The following MORC1 variants were observed in gnomAD, a reference collection of about 807,000 sequenced individuals.
MORC1 encodes MORC family CW-type zinc finger protein 1.
In MORC1, 59 loss-of-function variants were observed where a neutral mutation model predicts 134.9. The ratio of observed to expected loss-of-function variants is 0.44; its 90% confidence interval spans 0.35 to 0.54. The LOEUF (loss-of-function observed/expected upper bound fraction) is 0.54, where lower values mean the gene tolerates loss of function less well. Ranked by LOEUF, MORC1 falls within the 20% of genes least tolerant of loss-of-function variation. The pLI is 0.00. For missense variants in MORC1, 947 were observed against 1,134.5 expected (o/e 0.83, Z 2.37); for synonymous variants, 395 against 391.7 (o/e 1.01, Z -0.10).
intron 27 of MORC1, among the ~76,000 whole-genome samples, chr3:108,961,530 A>G (rs1185013078): frequency 2.6e-5 from 4 of 152,068 alleles, no homozygotes; most frequent in African/African-American, 9.7e-5. Flanking sequence ...CCCCATCTCT[A>G]TCTGCTCTGG....
intron 17 of MORC1, 110 bp from the exon 18 acceptor site, chr3:109,007,201 A>T: frequency 1.3e-6 from 1 of 741,614 alleles, no homozygotes; most frequent in South Asian, 2.0e-5. Context: ...CAAGATAGCA[A>T]ACCCTCATGA....
chr3:109,045,001 T>A (rs547937538), intron 14 of MORC1, among the ~76,000 whole-genome samples: 1 of 151,714 alleles, frequency 6.6e-6, no homozygotes, highest in Non-Finnish European at 1.5e-5. Context: ...CAGTTTTGTA[T>A]CTGTTCATAG....
At chr3:109,048,527 T>G (rs933150815) in intron 14 of MORC1, among the ~76,000 whole-genome samples, 1 of 152,182 alleles carries the variant, frequency 6.6e-6, no homozygotes, top group African/African-American at 2.4e-5. Flanking sequence ...AATTCTAATT[T>G]TGAAATCTCC....
chr3:109,022,706 T>C (rs1212676366), intron 17 of MORC1, among the ~76,000 whole-genome samples: 1 of 152,158 alleles, frequency 6.6e-6, no homozygotes, highest in African/African-American at 2.4e-5. Context: ...CTATGTAGAG[T>C]CAACCAATCC....
chr3:109,056,947 G>C (rs1459085688), intron 13 of MORC1, among the ~76,000 whole-genome samples: 1 of 152,124 alleles, frequency 6.6e-6, no homozygotes, highest in Non-Finnish European at 1.5e-5. Flanking sequence ...AAGCTAACTG[G>C]CATGAACTCA....
chr3:109,061,793 G>A (rs1321235303), intron 11 of MORC1, among the ~76,000 whole-genome samples, 195 bp downstream of exon 11: 4 of 151,962 alleles, frequency 2.6e-5, no homozygotes, highest in Non-Finnish European at 2.9e-5. Context: ...CCTCAGCCTT[G>A]CCCCGACTTG....
intron 17 of MORC1, among the ~76,000 whole-genome samples, chr3:109,017,726 A>C (rs1327607194): frequency 3.3e-5 from 5 of 152,230 alleles, no homozygotes; most frequent in Non-Finnish European, 1.5e-5. Flanking sequence ...TTACTTAATG[A>C]GTAGCTGTTT....
At chr3:109,110,298 A>C (rs1433185787) in intron 3 of MORC1, 1 of 157,578 alleles carries the variant, frequency 6.3e-6, no homozygotes, top group Admixed American at 6.5e-5. Context: ...TAGTGAGTGC[A>C]ATAAATACTT....
chr3:108,978,640 C>T (rs1947628224), intron 24 of MORC1, among the ~76,000 whole-genome samples: 1 of 152,302 alleles, frequency 6.6e-6, no homozygotes, highest in Admixed American at 6.5e-5. Context: ...TCCCTATGTA[C>T]GTGTTCTCCT....
intron 8 of MORC1, among the ~76,000 whole-genome samples, chr3:109,072,635 C>A (rs539268586): frequency 6.6e-6 from 1 of 152,138 alleles, no homozygotes; most frequent in Non-Finnish European, 1.5e-5. Flanking sequence ...TCTTCAATGG[C>A]AATGCTACCA....
chr3:108,994,322 G>A (rs1235208542), intron 21 of MORC1, among the ~76,000 whole-genome samples: 1 of 151,866 alleles, frequency 6.6e-6, no homozygotes, highest in South Asian at 2.1e-4. Flanking sequence ...ACATCCCTCT[G>A]TCAGTCTGCT....
chr3:108,976,155 T>C (rs887997141), intron 24 of MORC1, among the ~76,000 whole-genome samples: 2 of 152,168 alleles, frequency 1.3e-5, no homozygotes, highest in African/African-American at 4.8e-5. Context: ...GTATGTACAG[T>C]AAAAACTACA....
intron 20 of MORC1, 114 bp from the exon 21 acceptor site, chr3:109,000,772 T>C (rs1200706145): frequency 4.1e-6 from 3 of 734,912 alleles, no homozygotes; most frequent in South Asian, 2.1e-5. Context: ...TTGTAGGATA[T>C]ATAGCGAAAA....
chr3:109,061,252 G>A (rs1197803583), intron 11 of MORC1, among the ~76,000 whole-genome samples: 1 of 152,162 alleles, frequency 6.6e-6, no homozygotes, highest in Non-Finnish European at 1.5e-5. Flanking sequence ...CCCTTTGTAT[G>A]TAAGCAAATA....
In MORC1 at chr3:109,044,019, G is replaced by A. The variant is rs1454203239; in HGVS notation, c.1331-8551C>T. On this transcript the variant is annotated intron_variant, in intron 14 of 27. Transcript: ENST00000232603. ...AAGAGTAGATGGCTGAAAGCACACA[G>A]CTAATTTTCAAAATTATAAAAGAGT... Among the ~76,000 whole-genome samples the A allele has an allele frequency of 2.6e-5, 4 of 152,110 alleles. No individual in the cohort carries two copies. In the East Asian group the frequency reaches 7.7e-4, roughly 29 times the overall value.
Position 109,114,455 on chromosome 3 carries a change from A to G in MORC1, c.66-18T>C, listed in dbSNP as rs775269567. Reference sequence around the variant, plus strand: ...GAGTGGTGCTGATGAAGAAATAAAGAGAAAACAAAAAGTTAAACCAGGTGT... The same window carrying G: ...GAGTGGTGCTGATGAAGAAATAAAGGGAAAACAAAAAGTTAAACCAGGTGT... On this transcript the variant is annotated intron_variant, in intron 1 of 27. Transcript: ENST00000232603. 35 of 1,608,944 alleles carry G rather than the reference A, an allele frequency of 2.2e-5. No individual in the cohort carries two copies. Among genetic ancestry groups the G allele is most frequent in the Non-Finnish European group, 3.0e-5 (35 of 1,176,724 alleles).
intron 8 of MORC1, among the ~76,000 whole-genome samples, chr3:109,074,285 C>T (rs1950377340): frequency 6.6e-6 from 1 of 152,158 alleles, no homozygotes. Flanking sequence ...AATTGCATGG[C>T]ATGCCTTTTT....
intron 3 of MORC1, chr3:109,110,471 T>C: frequency 2.8e-6 from 1 of 356,498 alleles, no homozygotes; most frequent in Admixed American, 4.7e-5. Context: ...AATAAAACTG[T>C]TTCTCATGGC....
At chr3:109,116,650 C>T (rs889495702) in intron 1 of MORC1, among the ~76,000 whole-genome samples, 1 of 152,118 alleles carries the variant, frequency 6.6e-6, no homozygotes, top group African/African-American at 2.4e-5. Flanking sequence ...CATAGGGGTG[C>T]ATGCGTGTAG....
Sources: allele counts gnomAD v4.1 joint callset (sites outside exome capture counted in the v4.1 genomes callset), GRCh38; gene constraint gnomAD v4.1.1; transcripts MANE v1.5; gene names NCBI Gene and HGNC (gene_info 2026-07-23, HGNC 2026-07-21).